Variants in SEPTIN9 observed in about 807,000 individuals in gnomAD.
SEPTIN9 encodes septin-9.
SEPTIN9 carries 13 observed loss-of-function variants against 56.6 expected under a neutral mutation model. That is an observed-to-expected ratio of 0.23 (90% CI 0.15 to 0.37). SEPTIN9 has a LOEUF of 0.37. Among genes scored for constraint, SEPTIN9 ranks in the 10% least tolerant of loss-of-function variants. The probability of loss-of-function intolerance (pLI) is 1.00; values close to 1 mark genes in which losing one functional copy is unlikely to be tolerated. For missense variants in SEPTIN9, 650 were observed against 823.1 expected, an observed-to-expected ratio of 0.79 and a Z score of 2.57; for synonymous variants, 332 against 334.1, an observed-to-expected ratio of 0.99 and a Z score of 0.07.
At position 77,307,150 on chromosome 17, in the gene SEPTIN9, G is replaced by A. The variant is rs748739459; in HGVS notation, c.29G>A (p.Arg10Gln). MKKSYSGGT[R>Q]TSSGRLRRLG... ...TTGTCTCTGTCTTTAGGAGGCACGC[G>A]GACCTCCAGTGGCCGGCTCCGGAGG... Residue 10 changes from arginine to glutamine, a missense_variant, in exon 2 of 12, where the codon CGG (arginine) becomes CAG (glutamine). Arg to Gln is a conservative substitution (Grantham distance 43). This residue lies in a region of SEPTIN9 where 317 missense variants were observed against 329.1 expected (regional missense o/e 0.96). Coordinates refer to ENST00000427177, the MANE Select transcript of SEPTIN9 (RefSeq NM_001113491.2). 8.7e-6 allele frequency: 14 copies of A among 1,613,794 alleles called. No homozygotes were observed. Among genetic ancestry groups the A allele is most frequent in the Non-Finnish European group, 1.1e-5 (13 of 1,179,844 alleles).
At position 77,450,386 on chromosome 17, in the gene SEPTIN9, G is replaced by A; in HGVS notation, c.722-31758G>A. 1.4e-6 allele frequency: 1 copy of A among 730,924 alleles called. No individual in the cohort carries two copies. The highest frequency in any genetic ancestry group is 1.7e-6 in the Non-Finnish European group (1 of 597,388). 45.3% of individuals were successfully genotyped at this position (730,924 alleles called of 1,614,324 possible). A position where few individuals can be genotyped will look rare whatever the true frequency, so the allele number is the denominator to read the frequency against. On this transcript the variant is annotated intron_variant, in intron 3 of 11. Transcript: ENST00000427177. The surrounding 1 kb of genome is among the most constrained non-coding windows in gnomAD (Gnocchi z 6.0). ...CTGAGGGCGTAGCTTCCAGAATTCAGCCCCTGGCCCTCAGAAGGTGTCACC... is the reference window on the plus strand; with the variant it reads ...CTGAGGGCGTAGCTTCCAGAATTCAACCCCTGGCCCTCAGAAGGTGTCACC...
At chr17:77,466,054 T>TCACACACACA (rs10599395) in intron 3 of SEPTIN9, among the ~76,000 whole-genome samples, 55 of 127,478 alleles carry the variant, frequency 4.3e-4, no homozygotes, top group African/African-American at 1.0e-3. Context: ...TTCTGGACTG[T>TCACACACACA]CACACACACA....
intron 2 of SEPTIN9, among the ~76,000 whole-genome samples, chr17:77,334,680 C>T (rs1421301838): frequency 6.6e-6 from 1 of 151,910 alleles, no homozygotes; most frequent in East Asian, 1.9e-4. Context: ...AAGAAGTTCT[C>T]TTATTTTCTA....
chr17:77,484,848 T>A (rs2039648378), intron 4 of SEPTIN9, among the ~76,000 whole-genome samples: 1 of 144,506 alleles, frequency 6.9e-6, no homozygotes, highest in Non-Finnish European at 1.5e-5. Context: ...GTTGTGATGG[T>A]GGTGATGTGG....
At chr17:77,356,482 G>A (rs867546942) in intron 2 of SEPTIN9, among the ~76,000 whole-genome samples, 1 of 151,130 alleles carries the variant, frequency 6.6e-6, no homozygotes, top group African/African-American at 2.4e-5. Flanking sequence ...GCTTCCTGAT[G>A]GAAAAATGGG....
chr17:77,409,073 C>G (rs7216155), intron 3 of SEPTIN9, among the ~76,000 whole-genome samples: 48,255 of 151,934 alleles, frequency 0.32, 8,416 homozygotes, highest in Non-Finnish European at 0.4. Flanking sequence ...CACTGACGTT[C>G]CTGCCGGGAT....
Position 77,499,616 on chromosome 17 carries a change from C to T in SEPTIN9, c.*958C>T, listed in dbSNP as rs997471253. ...GGTCAGAGTGGCGTGAGCTGCCCGG[C>T]GCCTGCCCTGCCCAAGTGACCAGGG... On this transcript the variant is annotated 3_prime_UTR_variant, in exon 12 of 12. Transcript: ENST00000427177. 25 of 435,888 alleles carry T rather than the reference C, an allele frequency of 5.7e-5. No homozygotes were observed. Among genetic ancestry groups the T allele is most frequent in the Non-Finnish European group, 8.3e-5 (19 of 228,792 alleles). 27.0% of individuals were successfully genotyped at this position (435,888 alleles called of 1,614,324 possible).
At chr17:77,349,794 G>C (rs898624378) in intron 2 of SEPTIN9, among the ~76,000 whole-genome samples, 1 of 152,178 alleles carries the variant, frequency 6.6e-6, no homozygotes. Context: ...GAGCTATAAT[G>C]TTTTCTGCAG....
chr17:77,373,402 C>T, intron 2 of SEPTIN9: 17 of 1,252,936 alleles, frequency 1.4e-5, no homozygotes, highest in East Asian at 3.5e-5. Context: ...TGCAGGAGCG[C>T]GGGCGCGGCG....
At chr17:77,386,005 C>T (rs998427048) in intron 2 of SEPTIN9, among the ~76,000 whole-genome samples, 2 of 152,174 alleles carry the variant, frequency 1.3e-5, no homozygotes, top group Non-Finnish European at 2.9e-5. Flanking sequence ...CGGTCCAGCC[C>T]TTCCTGTTCC....
chr17:77,493,546 TAAAAC>T (rs1366356783), intron 10 of SEPTIN9, among the ~76,000 whole-genome samples: 1 of 152,102 alleles, frequency 6.6e-6, no homozygotes, highest in Admixed American at 6.5e-5. Context: ...CGAGGGGACT[TAAAAC>T]AACACAAACG....
At chr17:77,289,269 G>C (rs556239110) in intron 1 of SEPTIN9, among the ~76,000 whole-genome samples, 2 of 131,314 alleles carry the variant, frequency 1.5e-5, no homozygotes, top group Non-Finnish European at 3.3e-5. Flanking sequence ...GCTAATTTTT[G>C]TATTTTTAGT....
chr17:77,447,406 A>T (rs1422085302), intron 3 of SEPTIN9, among the ~76,000 whole-genome samples: 1 of 152,158 alleles, frequency 6.6e-6, no homozygotes, highest in Admixed American at 6.5e-5. Context: ...TCCAAGCTTC[A>T]GACTCACTCC....
intron 2 of SEPTIN9, among the ~76,000 whole-genome samples, chr17:77,336,938 C>T (rs2033572625): frequency 6.7e-6 from 1 of 149,062 alleles, no homozygotes; most frequent in Non-Finnish European, 1.5e-5. Context: ...TGGAAATGAT[C>T]ATTGTTTTGT....
intron 3 of SEPTIN9, among the ~76,000 whole-genome samples, chr17:77,413,455 A>T (rs1055473106): frequency 6.6e-6 from 1 of 152,154 alleles, no homozygotes; most frequent in Non-Finnish European, 1.5e-5. Context: ...TAGCTCGCTT[A>T]GTGAGGACAG....
chr17:77,394,253 G>A (rs1033054403), intron 2 of SEPTIN9, among the ~76,000 whole-genome samples: 20 of 152,190 alleles, frequency 1.3e-4, no homozygotes, highest in African/African-American at 4.8e-4. Context: ...TGAAGACAAG[G>A]AGGTGCCCAT....
At position 77,434,761 on chromosome 17, in the gene SEPTIN9, C is replaced by G. The variant is rs899970059; in HGVS notation, c.721+32058C>G. Among the ~76,000 whole-genome samples, 2 of 152,186 alleles carry G rather than the reference C, an allele frequency of 1.3e-5. No individual in the cohort carries two copies. The highest frequency in any genetic ancestry group is 4.8e-5 in the African/African-American group (2 of 41,436). On this transcript the variant is annotated intron_variant, in intron 3 of 11. Coordinates refer to ENST00000427177, the MANE Select transcript of SEPTIN9 (RefSeq NM_001113491.2). This position sits in a 1 kb window ranked among gnomAD's most constrained non-coding sequence, Gnocchi z 5.0. The stretch of plus-strand genomic sequence containing the variant: ...GCCTGGGTGTGATGAAGGCAAGGAC[C>G]GGTGGCTCACCCCTCTTGCACCTGG...
chr17:77,495,959 A>G (rs61382841), intron 10 of SEPTIN9, among the ~76,000 whole-genome samples: 63,135 of 151,988 alleles, frequency 0.42, 13,994 homozygotes, highest in East Asian at 0.83. Flanking sequence ...AGCCTTATGC[A>G]CTGTGGAGCT....
intron 3 of SEPTIN9, among the ~76,000 whole-genome samples, chr17:77,428,099 C>G (rs1448695893): frequency 6.6e-6 from 1 of 152,234 alleles, no homozygotes; most frequent in Non-Finnish European, 1.5e-5. Flanking sequence ...CCGGGAGGCA[C>G]AGAGAGGCTG....
Sources: allele counts gnomAD v4.1 joint callset (sites outside exome capture counted in the v4.1 genomes callset), GRCh38; gene constraint gnomAD v4.1.1; regional missense constraint gnomAD v4.1.1; non-coding constraint Gnocchi (gnomAD v3.1); transcripts MANE v1.5; gene names NCBI Gene and HGNC (gene_info 2026-07-23, HGNC 2026-07-21).